The following PDK3 variants were observed in gnomAD, a reference collection of about 807,000 sequenced individuals.
The protein encoded by PDK3 is pyruvate dehydrogenase kinase 3.
In PDK3, 12 loss-of-function variants were observed where a neutral mutation model predicts 32.0. The ratio of observed to expected loss-of-function variants is 0.37; its 90% CI spans 0.24 to 0.61. PDK3 has a LOEUF of 0.61. PDK3 is among the 20% of genes least tolerant of loss of function. The pLI, the probability that PDK3 is intolerant of heterozygous loss-of-function variation, is 0.65. For synonymous variants in PDK3, 122 were observed against 116.3 expected, an observed-to-expected ratio of 1.05 and a Z score of -0.31; for missense variants, 188 against 316.9, an observed-to-expected ratio of 0.59 and a Z score of 3.09.
chrX:24,503,134 A>G (rs183683478), intron 3 of PDK3, among the ~76,000 whole-genome samples, 193 bp from the exon 4 acceptor site: 128 of 112,094 alleles, frequency 1.1e-3, no homozygotes, highest in Middle Eastern at 4.6e-3. Context: ...GTTTCTGTAG[A>G]AAAAAAGTTT....
chrX:24,541,824 G>A (rs1922899893), exon 12 of PDK3, among the ~76,000 whole-genome samples: 1 of 112,501 alleles, frequency 8.9e-6, no homozygotes, highest in African/African-American at 3.2e-5. Flanking sequence ...AACACAAATA[G>A]ACATGGACCC....
intron 10 of PDK3, among the ~76,000 whole-genome samples, chrX:24,532,681 C>T (rs976328627): frequency 3.6e-5 from 4 of 112,121 alleles, no homozygotes; most frequent in African/African-American, 1.3e-4. Context: ...AAGATCACCA[C>T]CGGTCTCAGC....
Position 24,547,647 on chromosome X carries a change from C to T in PDK3, c.*8483C>T, listed in dbSNP as rs776302855. 8.0e-5 allele frequency: 9 copies of T among 112,602 alleles called. No individual in the cohort carries two copies. In the East Asian group the frequency reaches 2.5e-3, roughly 31 times the overall value. 9.3% of individuals were successfully genotyped at this position (112,602 alleles called of 1,213,427 possible). On this transcript the variant is annotated 3_prime_UTR_variant, in exon 12 of 12. Transcript: ENST00000568479. Reference sequence around the variant, plus strand: ...TCTAGTACAGGATTGCAATTGCATTCTTGAAAAGTTCTACTCATTTTAGGA... The same window carrying T: ...TCTAGTACAGGATTGCAATTGCATTTTTGAAAAGTTCTACTCATTTTAGGA...
At chrX:24,468,908 A>G (rs952812680) in intron 1 of PDK3, among the ~76,000 whole-genome samples, 1 of 112,072 alleles carries the variant, frequency 8.9e-6, no homozygotes, top group Non-Finnish European at 1.9e-5. Context: ...CAGAGGGTTC[A>G]AAAGGACACA....
At chrX:24,486,490 T>C (rs945976736) in intron 1 of PDK3, among the ~76,000 whole-genome samples, 2 of 111,759 alleles carry the variant, frequency 1.8e-5, no homozygotes, top group South Asian at 7.5e-4. Context: ...TCACAGCATC[T>C]GTGAGTATCA....
chrX:24,506,951 C>T (rs1237474927), intron 5 of PDK3, among the ~76,000 whole-genome samples: 1 of 109,090 alleles, frequency 9.2e-6, no homozygotes, highest in Non-Finnish European at 1.9e-5. Flanking sequence ...GCTGGGACTA[C>T]AGGCGCATGC....
At chrX:24,540,334 A>G (rs772450813) in exon 12 of PDK3, among the ~76,000 whole-genome samples, 18 of 112,263 alleles carry the variant, frequency 1.6e-4, no homozygotes, top group Non-Finnish European at 3.2e-4. Flanking sequence ...AATTTTCCAT[A>G]TATATCATCT....
chrX:24,515,335 A>G (rs1922227898), intron 5 of PDK3, among the ~76,000 whole-genome samples: 1 of 111,970 alleles, frequency 8.9e-6, no homozygotes, highest in African/African-American at 3.2e-5. Flanking sequence ...TTGTGTTTCG[A>G]GTTGGCTGCT....
intron 6 of PDK3, among the ~76,000 whole-genome samples, chrX:24,520,369 T>C (rs1464136156): frequency 9.0e-6 from 1 of 111,704 alleles, no homozygotes; most frequent in Non-Finnish European, 1.9e-5. Flanking sequence ...TTTGAAATAA[T>C]GCTTTAAACG....
intron 6 of PDK3, among the ~76,000 whole-genome samples, chrX:24,521,005 A>G (rs1025843699): frequency 1.1e-4 from 12 of 111,397 alleles, no homozygotes; most frequent in African/African-American, 3.3e-4. Context: ...CAGGCCAGGC[A>G]TGGTGGCTCA....
chrX:24,528,610 C>T (rs1922577865), intron 9 of PDK3, among the ~76,000 whole-genome samples: 1 of 112,712 alleles, frequency 8.9e-6, no homozygotes, highest in Admixed American at 9.4e-5. Flanking sequence ...TCACCTAGTG[C>T]CTTGGAATCT....
chrX:24,549,624 C>A (rs766548545), exon 12 of PDK3: 4 of 111,630 alleles, frequency 3.6e-5, no homozygotes, highest in African/African-American at 1.3e-4. Context: ...TGGAGTTGTG[C>A]TTGAGTCAGT....
intron 1 of PDK3, among the ~76,000 whole-genome samples, chrX:24,466,535 G>T (rs181549815): frequency 4.8e-4 from 54 of 111,769 alleles, no homozygotes; most frequent in Non-Finnish European, 9.4e-4. Flanking sequence ...AAATGTCAAG[G>T]GTGTCAGTGA....
In PDK3 at chrX:24,499,023, T is replaced by C. The variant is rs1375468810; in HGVS notation, c.320+123T>C. 1.1e-5 allele frequency: 4 copies of C among 379,669 alleles called. No individual in the cohort carries two copies. The African/African-American group carries it at 1.2e-4, about 12-fold the overall frequency. 31.3% of individuals were successfully genotyped at this position (379,669 alleles called of 1,213,427 possible). On this transcript the variant is annotated intron_variant, in intron 3 of 10. Coordinates refer to ENST00000379162, the MANE Select transcript of PDK3 (RefSeq NM_005391.5). ...TGGACAAAAGCGTTCATTTTCTTAATGAGTAGTGACTCAACATTGAGTTTT... is the reference window on the plus strand; with the variant it reads ...TGGACAAAAGCGTTCATTTTCTTAACGAGTAGTGACTCAACATTGAGTTTT...
intron 2 of PDK3, among the ~76,000 whole-genome samples, chrX:24,497,658 T>A (rs1054556084): frequency 2.0e-4 from 23 of 113,048 alleles, no homozygotes; most frequent in African/African-American, 7.1e-4. Flanking sequence ...AAAGTTCACA[T>A]GAAGCTGATG....
chrX:24,538,782 A>G (rs1021407957), downstream of PDK3, among the ~76,000 whole-genome samples: 2 of 111,359 alleles, frequency 1.8e-5, no homozygotes, highest in African/African-American at 6.5e-5. Context: ...TCAATAATAA[A>G]TAAATAAATA....
rs755789719 is a variant in PDK3, at chrX:24,510,721, G to C, written c.595+5423G>C. Among the ~76,000 whole-genome samples the C allele has an allele frequency of 1.2e-4, 14 of 112,104 alleles. No individual in the cohort carries two copies. The South Asian group carries it at 4.9e-3, about 39-fold the overall frequency. On this transcript the variant is annotated intron_variant, in intron 5 of 10. Coordinates refer to ENST00000379162, the MANE Select transcript of PDK3 (RefSeq NM_005391.5). ...GCGTCAGTATTTTGGAGTTCTTCCT[G>C]TGTCTAATCTGTGATACTCATTATC...
At chrX:24,538,794 A>G (rs1450142772), downstream of PDK3, among the ~76,000 whole-genome samples, 2 of 110,990 alleles carry the variant, frequency 1.8e-5, no homozygotes, top group African/African-American at 6.6e-5. Flanking sequence ...AAATAAATAA[A>G]AGTATACAAT....
At chrX:24,533,067 G>A (rs1360696479) in intron 10 of PDK3, among the ~76,000 whole-genome samples, 4 of 110,013 alleles carry the variant, frequency 3.6e-5, no homozygotes, top group Non-Finnish European at 5.7e-5. Context: ...TCCAAAATCG[G>A]AAAAAATCAG....
Sources: gnomAD v4.1 joint callset for allele counts (sites outside exome capture counted in the v4.1 genomes callset) on GRCh38, gnomAD v4.1.1 for gene constraint, MANE v1.5 for transcripts, NCBI Gene and HGNC (gene_info 2026-07-23, HGNC 2026-07-21) for gene names.